PZP: variants seen among roughly 807,000 people sequenced by gnomAD.
PZP encodes the protein PZP alpha-2-macroglobulin like.
In PZP, 150 loss-of-function variants were observed where a neutral mutation model predicts 179.8. That is an observed-to-expected ratio of 0.83 (90% CI 0.73 to 0.96). The LOEUF is 0.96. PZP is among the 40% of genes least tolerant of loss of function. The pLI is 0.00. For missense variants in PZP, 1,689 were observed against 1,764.0 expected (o/e 0.96, Z 0.76); for synonymous variants, 624 against 652.3 (o/e 0.96, Z 0.66).
Position 9,202,629 on chromosome 12 carries a change from C to T in PZP, c.323G>A (p.Gly108Glu), listed in dbSNP as rs759313677. 1 of 1,613,984 alleles carries T rather than the reference C, an allele frequency of 6.2e-7. No homozygotes were observed. The highest frequency in any genetic ancestry group is 8.5e-7 in the Non-Finnish European group (1 of 1,179,954). ...EVAFLSIQIK[G>E]PTQDFRKRNT... The stretch of plus-strand genomic sequence containing the variant: ...CCTCTTCCTGAAATCTTGCGTAGGC[C>T]CCTTTATCTGGATGCTAAGGAATGC... The change falls in exon 3 of 36, where the codon GGG becomes GAG. Residue 108 changes from glycine to glutamate, a missense_variant. Around this residue, in one of 3 missense-constraint regions of PZP, gnomAD observed 742 missense variants for 730.5 expected, o/e 1.02. Coordinates refer to ENST00000261336, the MANE Select transcript of PZP (RefSeq NM_002864.3).
At chr12:9,136,655 A>G in the PZP span, among the ~76,000 whole-genome samples, 2 of 152,142 alleles carry the variant, frequency 1.3e-5, no homozygotes, top group African/African-American at 4.8e-5. Flanking sequence ...AACAGTATAC[A>G]AAGATTCCAG....
In PZP at chr12:9,166,077, A is replaced by G. The variant is rs753308931; in HGVS notation, c.2233T>C (p.Trp745Arg). 9.9e-6 allele frequency: 16 copies of G among 1,609,774 alleles called. No homozygotes were observed. The South Asian group carries it at 1.8e-4, about 18-fold the overall frequency. ...ETVRSYFPET[W>R]IWELVAVNSS... ...TTCACTGCCACCAACTCCCAGATCC[A>G]AGTCTCAGGAAAATAGCTTCGCACC... Residue 745 changes from tryptophan (W) to arginine (R), a missense_variant, in exon 18 of 36, where the codon TGG (tryptophan) becomes CGG (arginine). This residue lies in a region of PZP where 201 missense variants were observed against 284.2 expected (regional missense o/e 0.71). Transcript: ENST00000261336.
intron 15 of PZP, chr12:9,169,891 A>T: frequency 5.0e-6 from 1 of 201,924 alleles, no homozygotes; most frequent in Admixed American, 5.9e-5. Flanking sequence ...AAGAAGACGT[A>T]ACTTGCATCT....
intron 15 of PZP, among the ~76,000 whole-genome samples, chr12:9,171,546 T>G (rs1942002808): frequency 6.6e-6 from 1 of 152,142 alleles, no homozygotes; most frequent in Non-Finnish European, 1.5e-5. Flanking sequence ...TGGATAACAA[T>G]AAACTTTGCT....
intron 15 of PZP, among the ~76,000 whole-genome samples, chr12:9,178,285 G>A (rs769711339): frequency 2.6e-5 from 4 of 152,250 alleles, no homozygotes; most frequent in Admixed American, 6.5e-5. Context: ...CATCTTGCTC[G>A]GGATATGAAT....
chr12:9,188,529 C>T (rs981567452), intron 13 of PZP, among the ~76,000 whole-genome samples: 7 of 152,104 alleles, frequency 4.6e-5, no homozygotes, highest in Non-Finnish European at 8.8e-5. Flanking sequence ...CCAGAACAAT[C>T]GGGCAAGACA....
At chr12:9,147,177 AT>A (rs1940054396), downstream of PZP, among the ~76,000 whole-genome samples, 1 of 152,086 alleles carries the variant, frequency 6.6e-6, no homozygotes, top group African/African-American at 2.4e-5. Flanking sequence ...AGAGCAGGAA[AT>A]TTTTTGTCCA....
intron 1 of PZP, 68 bp downstream of exon 1, chr12:9,208,191 G>C (rs1944536072): frequency 1.6e-6 from 2 of 1,218,012 alleles, no homozygotes; most frequent in South Asian, 1.2e-5. Flanking sequence ...TACAAAGGAA[G>C]GCAAAGCGAA....
intron 13 of PZP, among the ~76,000 whole-genome samples, chr12:9,184,246 G>A (rs932060353): frequency 5.9e-5 from 9 of 152,060 alleles, no homozygotes; most frequent in African/African-American, 1.9e-4. Flanking sequence ...CACTAAGCTC[G>A]CCAACCCCAC....
intron 7 of PZP, among the ~76,000 whole-genome samples, chr12:9,198,480 A>G (rs1348064285): frequency 6.6e-6 from 1 of 152,214 alleles, no homozygotes; most frequent in African/African-American, 2.4e-5. Flanking sequence ...ATAAGTACAT[A>G]ATAACTAAGC....
At chr12:9,164,112 C>T in intron 20 of PZP, 21 bp downstream of exon 20, 3 of 1,604,780 alleles carry the variant, frequency 1.9e-6, no homozygotes, top group Non-Finnish European at 2.6e-6. Flanking sequence ...TTGATAGGCC[C>T]TTTTGGGTAC....
chr12:9,136,712 T>C, the PZP span, among the ~76,000 whole-genome samples: 1 of 152,188 alleles, frequency 6.6e-6, no homozygotes, highest in South Asian at 2.1e-4. Context: ...TATTTGATAA[T>C]AGGCATCCTG....
Position 9,193,900 on chromosome 12 carries a change from T to TAAA in PZP, c.1254+176_1254+177insTTT, listed in dbSNP as rs1420887411. Among the ~76,000 whole-genome samples, 172 of 152,366 alleles carry TAAA rather than the reference T, an allele frequency of 1.1e-3. 4 individuals carry two copies. In the East Asian group the frequency reaches 0.021, roughly 19 times the overall value. On this transcript the variant is annotated intron_variant, in intron 11 of 35. Transcript: ENST00000261336. ...GTGAAATTATCAGGCACTTCTGCAGTGCCTTTTCTAATGCCTTTATTGTTT... is the reference window on the plus strand; with the variant it reads ...GTGAAATTATCAGGCACTTCTGCAGTAAAGCCTTTTCTAATGCCTTTATTGTTT...
intron 13 of PZP, among the ~76,000 whole-genome samples, chr12:9,186,913 TG>T (rs1308522568): frequency 1.3e-5 from 2 of 151,776 alleles, no homozygotes; most frequent in Non-Finnish European, 2.9e-5. Context: ...GACAGGCTGA[TG>T]GGTGCAGCAA....
chr12:9,178,104 AT>A (rs542797504), intron 15 of PZP, among the ~76,000 whole-genome samples: 10 of 152,226 alleles, frequency 6.6e-5, no homozygotes, highest in Non-Finnish European at 1.3e-4. Flanking sequence ...ATCAAGAAAA[AT>A]TTTGATTATA....
At chr12:9,206,440 T>C (rs1347640908) in intron 1 of PZP, among the ~76,000 whole-genome samples, 2 of 152,200 alleles carry the variant, frequency 1.3e-5, no homozygotes, top group Non-Finnish European at 2.9e-5. Flanking sequence ...CAAGATGTCA[T>C]TGGTAGTGAG....
chr12:9,147,151 C>T (rs1168088778), downstream of PZP, among the ~76,000 whole-genome samples: 1 of 152,186 alleles, frequency 6.6e-6, no homozygotes, highest in African/African-American at 2.4e-5. Flanking sequence ...CTCTTTCTCT[C>T]CCTAAGGGAA....
intron 13 of PZP, among the ~76,000 whole-genome samples, chr12:9,184,410 A>G (rs1319006245): frequency 6.6e-6 from 1 of 152,192 alleles, no homozygotes; most frequent in African/African-American, 2.4e-5. Flanking sequence ...CCCCACCCCC[A>G]TGCTAACACC....
intron 22 of PZP, chr12:9,162,258 G>GA: frequency 5.0e-6 from 1 of 198,802 alleles, no homozygotes; most frequent in Non-Finnish European, 1.0e-5. Flanking sequence ...CACCACACCC[G>GA]GCTAACCCTG....
Sources: allele counts gnomAD v4.1 joint callset (sites outside exome capture counted in the v4.1 genomes callset), GRCh38; gene constraint gnomAD v4.1.1; regional missense constraint gnomAD v4.1.1; transcripts MANE v1.5; gene names NCBI Gene and HGNC (gene_info 2026-07-23, HGNC 2026-07-21).